PRKN: variants seen among roughly 807,000 people sequenced by gnomAD.
PRKN encodes the protein E3 ubiquitin-protein ligase parkin.
Under a neutral mutation model 59.5 loss-of-function variants are expected in PRKN, and 56 were observed. The observed-to-expected ratio is 0.94, with a 90% CI of 0.76 to 1.18. PRKN has a LOEUF of 1.18. Among genes scored for constraint, PRKN ranks in the 50% most tolerant of loss-of-function variants. PRKN has a pLI of 0.00. For missense variants in PRKN, 657 were observed against 596.4 expected (o/e 1.10, Z -1.06); for synonymous variants, 250 against 222.1 (o/e 1.13, Z -1.12).
chr6:161,762,874 C>T (rs145242469), intron 7 of PRKN, among the ~76,000 whole-genome samples: 2,989 of 152,170 alleles, frequency 0.02, 67 homozygotes, highest in South Asian at 0.07. Flanking sequence ...TTTCCTGTAA[C>T]ATTCTAGAAA....
intron 7 of PRKN, among the ~76,000 whole-genome samples, chr6:161,727,072 C>T (rs1787472183): frequency 6.6e-6 from 1 of 152,154 alleles, no homozygotes; most frequent in Non-Finnish European, 1.5e-5. Context: ...AGGATCTTGT[C>T]ATGGATCCTA....
chr6:162,447,059 T>C (rs1328522942), intron 1 of PRKN, among the ~76,000 whole-genome samples: 1 of 152,214 alleles, frequency 6.6e-6, no homozygotes, highest in African/African-American at 2.4e-5. Flanking sequence ...GCAACACCAA[T>C]GTCTGTTACA....
At chr6:161,540,475 G>A (rs1272751837) in intron 9 of PRKN, among the ~76,000 whole-genome samples, 2 of 152,074 alleles carry the variant, frequency 1.3e-5, no homozygotes, top group East Asian at 3.8e-4. Flanking sequence ...AAAATAAATT[G>A]TAGTCTCAAA....
At chr6:161,940,396 A>G (rs1779518344) in intron 6 of PRKN, among the ~76,000 whole-genome samples, 1 of 152,258 alleles carries the variant, frequency 6.6e-6, no homozygotes, top group Admixed American at 6.5e-5. Flanking sequence ...GGCTGGTGCC[A>G]GCAAGGTGGT....
intron 4 of PRKN, among the ~76,000 whole-genome samples, chr6:162,071,210 A>C (rs963796808): frequency 6.7e-6 from 1 of 149,046 alleles, no homozygotes. Context: ...GGTGCTGTCC[A>C]TGCCCTCATC....
At chr6:161,867,434 T>C (rs1367067257) in intron 6 of PRKN, among the ~76,000 whole-genome samples, 1 of 152,212 alleles carries the variant, frequency 6.6e-6, no homozygotes, top group Non-Finnish European at 1.5e-5. Flanking sequence ...AATACATTCT[T>C]AGCTCATGCC....
intron 2 of PRKN, among the ~76,000 whole-genome samples, chr6:162,398,892 T>C (rs1479065193): frequency 6.6e-6 from 1 of 152,236 alleles, no homozygotes; most frequent in Non-Finnish European, 1.5e-5. Context: ...ATCTTTAATA[T>C]TGATCCAGTA....
intron 9 of PRKN, among the ~76,000 whole-genome samples, chr6:161,514,149 CTGAA>C (rs1778501198): frequency 6.6e-6 from 1 of 151,620 alleles, no homozygotes; most frequent in Non-Finnish European, 1.5e-5. Flanking sequence ...GAACAAATGA[CTGAA>C]TGAATGAGAG....
chr6:161,815,787 G>A (rs977978816), intron 6 of PRKN, among the ~76,000 whole-genome samples: 1 of 152,150 alleles, frequency 6.6e-6, no homozygotes, highest in Non-Finnish European at 1.5e-5. Context: ...GGAAGACGGG[G>A]CAGCTGGAGT....
Position 162,047,718 on chromosome 6 carries a change from T to C in PRKN, c.618+6373A>G, listed in dbSNP as rs577867616. ...AACTAAAACATTATTAAGAAACTTT[T>C]TGGACATAAAATACGGAAATGACTT... On this transcript the variant is annotated intron_variant, in intron 5 of 11. Coordinates refer to ENST00000366898, the MANE Select transcript of PRKN (RefSeq NM_004562.3). Among the ~76,000 whole-genome samples, 22 of 152,276 alleles carry C rather than the reference T, an allele frequency of 1.4e-4. No homozygotes were observed. The South Asian group carries it at 2.1e-3, about 14-fold the overall frequency.
intron 6 of PRKN, among the ~76,000 whole-genome samples, chr6:161,955,164 A>G (rs1164844758): frequency 6.6e-6 from 1 of 152,080 alleles, no homozygotes; most frequent in East Asian, 1.9e-4. Flanking sequence ...AGCATCATTG[A>G]AAGTTGGGCA....
In PRKN at chr6:161,495,440, A is replaced by T. The variant is rs562954564; in HGVS notation, c.1083+53414T>A. On this transcript the variant is annotated intron_variant, in intron 9 of 11. Transcript: ENST00000366898. Reference sequence around the variant, plus strand: ...CTGGGCACGTGTCTGCCAGGTACAGACTACATTCCCTGGCCTCTCCTGCAC... The same window carrying T: ...CTGGGCACGTGTCTGCCAGGTACAGTCTACATTCCCTGGCCTCTCCTGCAC... 3.9e-5 allele frequency among the ~76,000 whole-genome samples: 6 copies of T among 152,334 alleles called. No homozygotes were observed. In the South Asian group the frequency reaches 1.2e-3, roughly 32 times the overall value.
chr6:162,503,730 T>C lies in PRKN; in HGVS notation c.8-60257A>G, dbSNP rs9458570. Among the ~76,000 whole-genome samples, 892 of 152,210 alleles carry C rather than the reference T, an allele frequency of 5.9e-3. 9 individuals are homozygous for C. Among genetic ancestry groups the C allele is most frequent in the African/African-American group, 0.02 (844 of 41,546 alleles). ...AAATTAAGTGGGAAAATACCTACAA[T>C]GTGAATGTTGATACAGCTGAACTCG... On this transcript the variant is annotated intron_variant, in intron 1 of 11. Transcript: ENST00000366898.
At chr6:161,507,296 G>A (rs1454701812) in intron 9 of PRKN, among the ~76,000 whole-genome samples, 1 of 152,116 alleles carries the variant, frequency 6.6e-6, no homozygotes, top group Non-Finnish European at 1.5e-5. Context: ...TTTTGTCTAA[G>A]TATCTTTTCA....
chr6:162,007,055 G>A (rs80224321), intron 5 of PRKN, among the ~76,000 whole-genome samples: 1 of 151,934 alleles, frequency 6.6e-6, no homozygotes, highest in Non-Finnish European at 1.5e-5. Context: ...TATACTATCA[G>A]CCAATATCCA....
chr6:162,196,407 A>T (rs1182401761), intron 4 of PRKN, among the ~76,000 whole-genome samples: 1 of 152,224 alleles, frequency 6.6e-6, no homozygotes, highest in Admixed American at 6.5e-5. Flanking sequence ...ACCCAATCAG[A>T]ATTAAATATG....
At chr6:162,204,990 G>A (rs899869945) in intron 3 of PRKN, among the ~76,000 whole-genome samples, 6 of 151,986 alleles carry the variant, frequency 3.9e-5, no homozygotes, top group Admixed American at 2.6e-4. Context: ...AACCTCCTGA[G>A]TAGCTGGAAC....
rs143917731 is a variant in PRKN at position 162,035,375 on chromosome 6, C to A, written c.618+18716G>T. ...GACTTAAAGGGGACAAATATCCAAA[C>A]TGTATCAACTAAAGAATTAATTTTG... On this transcript the variant is annotated intron_variant, in intron 5 of 11. Coordinates refer to ENST00000366898, the MANE Select transcript of PRKN (RefSeq NM_004562.3). Among the ~76,000 whole-genome samples the A allele has an allele frequency of 3.5e-3, 533 of 152,284 alleles. 1 individual carries two copies. Among genetic ancestry groups the A allele is most frequent in the African/African-American group, 0.012 (508 of 41,556 alleles).
chr6:161,599,985 C>A (rs755727807), intron 7 of PRKN, among the ~76,000 whole-genome samples: 1 of 152,186 alleles, frequency 6.6e-6, no homozygotes, highest in African/African-American at 2.4e-5. Context: ...ACATCCCGCA[C>A]ACGTGAAAAC....
Sources: allele counts gnomAD v4.1 joint callset (sites outside exome capture counted in the v4.1 genomes callset), GRCh38; gene constraint gnomAD v4.1.1; transcripts MANE v1.5; gene names NCBI Gene and HGNC (gene_info 2026-07-23, HGNC 2026-07-21).